The following CRIM1 variants were observed in gnomAD, a reference collection of about 807,000 sequenced individuals.
CRIM1 encodes cysteine rich transmembrane BMP regulator 1, also known as cysteine-rich motor neuron 1 protein.
In CRIM1, 32 loss-of-function variants were observed where a neutral mutation model predicts 116.4. The ratio of observed to expected loss-of-function variants is 0.27; its 90% CI spans 0.21 to 0.37. CRIM1 has a LOEUF of 0.37. Among genes scored for constraint, CRIM1 ranks in the 10% least tolerant of loss-of-function variants. The probability of loss-of-function intolerance (pLI) is 1.00; values close to 1 mark genes in which losing one functional copy is unlikely to be tolerated. For synonymous variants in CRIM1, 590 were observed against 509.2 expected, an observed-to-expected ratio of 1.16 and a Z score of -2.13; for missense variants, 1,331 against 1,354.8, an observed-to-expected ratio of 0.98 and a Z score of 0.28.
chr2:36,464,500 CA>C, intron 4 of CRIM1, 33 bp from the exon 5 acceptor site: 1 of 1,613,098 alleles, frequency 6.2e-7, no homozygotes, highest in Non-Finnish European at 8.5e-7. Context: ...GTTGTTTATT[CA>C]TGGGGTTTTC....
chr2:36,548,145 G>A (rs910364987), intron 16 of CRIM1, among the ~76,000 whole-genome samples: 4 of 152,136 alleles, frequency 2.6e-5, no homozygotes, highest in Non-Finnish European at 5.9e-5. Flanking sequence ...TGATAGTGTT[G>A]TACAGTCTGA....
chr2:36,527,506 TATAGTGATCTTCTCC>T (rs1293278899), intron 13 of CRIM1, among the ~76,000 whole-genome samples: 1 of 152,108 alleles, frequency 6.6e-6, no homozygotes, highest in East Asian at 1.9e-4. Context: ...ACTGTCACTG[TATAGTGATCTTCTCC>T]ATAGTGATCT....
intron 4 of CRIM1, among the ~76,000 whole-genome samples, chr2:36,444,485 T>C (rs1182593842): frequency 6.6e-6 from 1 of 152,228 alleles, no homozygotes; most frequent in African/African-American, 2.4e-5. Flanking sequence ...TTCCATTTTA[T>C]CCTCAAGCTT....
At chr2:36,488,856 C>T (rs1217627381) in intron 7 of CRIM1, among the ~76,000 whole-genome samples, 1 of 152,156 alleles carries the variant, frequency 6.6e-6, no homozygotes, top group Non-Finnish European at 1.5e-5. Context: ...CCTCAAGATC[C>T]TAAGGCCAAG....
Position 36,441,297 on chromosome 2 carries a change from A to G in CRIM1, c.545A>G (p.Gln182Arg). Residue 182 changes from glutamine to arginine, a missense_variant, in exon 3 of 17, where the codon CAG becomes CGG. Gln to Arg is a conservative substitution (Grantham distance 43). This residue lies in a region of CRIM1 where 690 missense variants were observed against 676.0 expected (regional missense o/e 1.02). Coordinates refer to ENST00000280527, the MANE Select transcript of CRIM1 (RefSeq NM_016441.3). ...PDCSKARCEVQFSPRCPEDSV... is the reference protein window; with the variant it reads ...PDCSKARCEVRFSPRCPEDSV... Reference sequence around the variant, plus strand: ...TGCTCCAAGGCCCGCTGTGAAGTCCAGTTCTCTCCACGTTGTCCTGAAGAT... The same window carrying G: ...TGCTCCAAGGCCCGCTGTGAAGTCCGGTTCTCTCCACGTTGTCCTGAAGAT... 1.2e-6 allele frequency: 2 copies of G among 1,614,188 alleles called. No individual in the cohort carries two copies. Among genetic ancestry groups the G allele is most frequent in the East Asian group, 2.2e-5 (1 of 44,872 alleles).
chr2:36,384,201 G>A (rs1215099924), intron 1 of CRIM1, among the ~76,000 whole-genome samples: 3 of 152,248 alleles, frequency 2.0e-5, no homozygotes, highest in South Asian at 2.1e-4. Flanking sequence ...CACACACCTG[G>A]AGTAGGATGT....
At chr2:36,504,196 G>C (rs1240373445) in intron 8 of CRIM1, among the ~76,000 whole-genome samples, 6 of 152,066 alleles carry the variant, frequency 3.9e-5, no homozygotes, top group African/African-American at 7.2e-5. Context: ...TTAAAACAAG[G>C]CCAGCACCCC....
chr2:36,362,948 A>G (rs1669325597), intron 1 of CRIM1, among the ~76,000 whole-genome samples: 1 of 152,108 alleles, frequency 6.6e-6, no homozygotes. Flanking sequence ...CTGTAATCCC[A>G]GCACTTTGTG....
At chr2:36,547,878 G>A (rs1194728656) in intron 16 of CRIM1, among the ~76,000 whole-genome samples, 1 of 152,122 alleles carries the variant, frequency 6.6e-6, no homozygotes, top group Non-Finnish European at 1.5e-5. Flanking sequence ...GCCTTGAGTT[G>A]GTTTATTTTA....
chr2:36,443,088 A>C (rs748693816), intron 4 of CRIM1, among the ~76,000 whole-genome samples: 1 of 152,158 alleles, frequency 6.6e-6, no homozygotes, highest in Non-Finnish European at 1.5e-5. Context: ...TCTGCAGTGA[A>C]TCTTGTAGGT....
intron 13 of CRIM1, among the ~76,000 whole-genome samples, 180 bp downstream of exon 13, chr2:36,522,493 G>A (rs895386852): frequency 6.6e-6 from 1 of 152,144 alleles, no homozygotes; most frequent in East Asian, 1.9e-4. Flanking sequence ...ACTCCCAAGA[G>A]GAGGTGCTGT....
chr2:36,429,347 T>A (rs1674694905), intron 2 of CRIM1, among the ~76,000 whole-genome samples: 1 of 152,162 alleles, frequency 6.6e-6, no homozygotes, highest in Non-Finnish European at 1.5e-5. Context: ...AGTGTTCACT[T>A]TGGAAGCAGT....
intron 14 of CRIM1, among the ~76,000 whole-genome samples, chr2:36,541,592 G>A (rs1666947667): frequency 6.6e-6 from 1 of 152,170 alleles, no homozygotes; most frequent in Non-Finnish European, 1.5e-5. Context: ...CCGTATTCCA[G>A]AAGAGGACAT....
At chr2:36,489,722 T>C (rs1032757144) in intron 7 of CRIM1, among the ~76,000 whole-genome samples, 2 of 152,228 alleles carry the variant, frequency 1.3e-5, no homozygotes, top group African/African-American at 4.8e-5. Flanking sequence ...CAAGAAACAC[T>C]GGCAAAGATA....
chr2:36,493,182 G>A (rs144871133), intron 7 of CRIM1, among the ~76,000 whole-genome samples: 2 of 152,174 alleles, frequency 1.3e-5, no homozygotes, highest in Admixed American at 6.5e-5. Context: ...GCTGAGGTAG[G>A]AAGATTGCTT....
chr2:36,463,098 G>T (rs981603289), intron 4 of CRIM1, among the ~76,000 whole-genome samples: 3 of 152,088 alleles, frequency 2.0e-5, no homozygotes, highest in Admixed American at 1.3e-4. Context: ...CAATAGAACT[G>T]CCACCCCACA....
At position 36,468,375 on chromosome 2, in the gene CRIM1, G is replaced by GT. The variant is rs1678214125; in HGVS notation, c.991+3725dup. On this transcript the variant is annotated intron_variant, in intron 5 of 16. Coordinates refer to ENST00000280527, the MANE Select transcript of CRIM1 (RefSeq NM_016441.3). ...GAGCATCCTCCATAAATATTACTTTGTTTTTGTAGTTTGATTTTATTTTGT... is the reference window on the plus strand; with the variant it reads ...GAGCATCCTCCATAAATATTACTTTGTTTTTTGTAGTTTGATTTTATTTTGT... Among the ~76,000 whole-genome samples the GT allele has an allele frequency of 2.0e-5, 3 of 152,264 alleles. No homozygotes were observed. In the South Asian group the frequency reaches 6.2e-4, roughly 32 times the overall value.
intron 1 of CRIM1, among the ~76,000 whole-genome samples, chr2:36,393,856 G>T (rs1671813691): frequency 1.3e-5 from 2 of 152,232 alleles, no homozygotes; most frequent in Admixed American, 6.5e-5. Context: ...GGTGAAAAAT[G>T]AGTCTGCAGA....
intron 7 of CRIM1, among the ~76,000 whole-genome samples, chr2:36,485,429 T>A: frequency 6.6e-6 from 1 of 152,192 alleles, no homozygotes; most frequent in East Asian, 1.9e-4. Context: ...TATATTGTCG[T>A]CTTCTTCATC....
Sources: gnomAD v4.1 joint callset for allele counts (sites outside exome capture counted in the v4.1 genomes callset) on GRCh38, gnomAD v4.1.1 for gene constraint, gnomAD v4.1.1 regional missense constraint, MANE v1.5 for transcripts, NCBI Gene and HGNC (gene_info 2026-07-23, HGNC 2026-07-21) for gene names.